Variants in NFE2L3 observed in about 807,000 individuals in gnomAD.
NFE2L3 encodes the protein NFE2 like bZIP transcription factor 3, also known as nuclear factor erythroid 2-related factor 3.
A neutral mutation model predicts 23.5 loss-of-function variants in NFE2L3; 18 were observed. The observed-to-expected ratio is 0.77, with a 90% confidence interval of 0.53 to 1.13. The LOEUF (loss-of-function observed/expected upper bound fraction) is 1.13. Among genes scored for constraint, NFE2L3 ranks in the 50% most tolerant of loss-of-function variants. The pLI, the probability that NFE2L3 is intolerant of heterozygous loss-of-function variation, is 0.00. For missense variants in NFE2L3, 1,152 were observed against 877.2 expected, an observed-to-expected ratio of 1.31 and a Z score of -3.96; for synonymous variants, 424 against 354.5, an observed-to-expected ratio of 1.20 and a Z score of -2.20.
rs746745786 is a variant in NFE2L3, at chr7:26,185,568, C to T, written c.1870C>T (p.Gln624Ter). The change falls in exon 4 of 4, where the codon CAA becomes TAA. Residue 624 changes from glutamine (Q) to a stop codon, truncating the protein, a stop_gained. Coordinates refer to ENST00000056233, the MANE Select transcript of NFE2L3 (RefSeq NM_004289.7). LOFTEE classifies it high-confidence loss of function. ...QAKKETLKRE[Q>*]AQCNKAINIM... ...AAAGAAGGAAACTCTTAAGAGAGAG[C>T]AAGCACAATGTAACAAAGCTATTAA... 8 of 1,613,554 alleles carry T rather than the reference C, an allele frequency of 5.0e-6. No individual in the cohort carries two copies. The African/African-American group carries it at 1.1e-4, about 22-fold the overall frequency.
At chr7:26,184,099 G>A (rs1782411679) in intron 3 of NFE2L3, 3 of 388,158 alleles carry the variant, frequency 7.7e-6, no homozygotes, top group African/African-American at 2.1e-5. Flanking sequence ...CATGTTTATT[G>A]CAGCAATATT....
chr7:26,179,831 G>T (rs1390811716), intron 2 of NFE2L3, among the ~76,000 whole-genome samples: 3 of 152,150 alleles, frequency 2.0e-5, no homozygotes, highest in Non-Finnish European at 4.4e-5. Flanking sequence ...ATAGGAAATT[G>T]TTTCTCTTGA....
In NFE2L3 at chr7:26,176,695, G is replaced by T. The variant is rs1163006864; in HGVS notation, c.571-1248G>T. On this transcript the variant is annotated intron_variant, in intron 1 of 3. Transcript: ENST00000056233. ...CAGAGGCGCTCCTCACTTCCCAGAC[G>T]GGGTGGCCAGGCAGAGGCGCTCCTC... is the stretch of plus-strand genomic sequence containing the variant. Among the ~76,000 whole-genome samples the T allele has an allele frequency of 4.4e-3, 196 of 44,184 alleles. 6 individuals carry two copies. The highest frequency in any genetic ancestry group is 5.6e-3 in the Admixed American group (28 of 4,972). 29.0% of individuals were successfully genotyped at this position (44,184 alleles called of 152,430 possible).
rs1784007054 is a variant in NFE2L3, at chr7:26,152,241, G to GGCTCGGC, written c.-253_-247dup. 4.9e-6 allele frequency: 1 copy of GGCTCGGC among 205,676 alleles called. No homozygotes were observed. The highest frequency in any genetic ancestry group is 9.6e-6 in the Non-Finnish European group (1 of 104,624). 12.7% of individuals were successfully genotyped at this position (205,676 alleles called of 1,614,324 possible). Reference sequence around the variant, plus strand: ...CGGGCTGCGGGCGGCTGGGCGAACGGGCTCGGCGCTCAGGTGGCTCCTTCT... The same window carrying GGCTCGGC: ...CGGGCTGCGGGCGGCTGGGCGAACGGGCTCGGCGCTCGGCGCTCAGGTGGCTCCTTCT... On this transcript the variant is annotated 5_prime_UTR_variant, in exon 1 of 4. Coordinates refer to ENST00000056233, the MANE Select transcript of NFE2L3 (RefSeq NM_004289.7). The surrounding 1 kb of genome is among the most constrained non-coding windows in gnomAD (Gnocchi z 4.4).
In NFE2L3 at chr7:26,186,369, A is replaced by T. The variant is rs1782487781; in HGVS notation, c.*586A>T. 6.6e-6 allele frequency: 1 copy of T among 152,274 alleles called. No individual in the cohort carries two copies. The highest frequency in any genetic ancestry group is 2.1e-4 in the South Asian group (1 of 4,834). 9.4% of individuals were successfully genotyped at this position (152,274 alleles called of 1,614,324 possible). ...TTCCAAAATATCCACATTCAGGAAT[A>T]TAGGTGAATAACAAATAAGGCAGCA... On this transcript the variant is annotated 3_prime_UTR_variant, in exon 4 of 4. Coordinates refer to ENST00000056233, the MANE Select transcript of NFE2L3 (RefSeq NM_004289.7).
At chr7:26,179,493 C>G (rs1258256300) in intron 2 of NFE2L3, among the ~76,000 whole-genome samples, 1 of 148,812 alleles carries the variant, frequency 6.7e-6, no homozygotes, top group Non-Finnish European at 1.5e-5. Flanking sequence ...GAGTGAGACC[C>G]TGTCTCAAAA....
At position 26,152,946 on chromosome 7, in the gene NFE2L3, G is replaced by A. The variant is rs1174424237; in HGVS notation, c.448G>A (p.Val150Met). The A allele has an allele frequency of 4.7e-6, 7 of 1,477,888 alleles. No homozygotes were observed. The highest frequency in any genetic ancestry group is 6.2e-6 in the Non-Finnish European group (7 of 1,123,908). 91.5% of individuals were successfully genotyped at this position (1,477,888 alleles called of 1,614,324 possible). A position where few individuals can be genotyped will look rare whatever the true frequency, so the allele number is the denominator to read the frequency against. Residue 150 changes from valine to methionine, a missense_variant, in exon 1 of 4, where the codon GTG becomes ATG. Coordinates refer to ENST00000056233, the MANE Select transcript of NFE2L3 (RefSeq NM_004289.7). This position sits in a 1 kb window ranked among gnomAD's most constrained non-coding sequence, Gnocchi z 4.4. ...CAGCGTGGACGGCGGCAGCCAGGCT[G>A]TGCAGGGGGGCGGCGGGGACCCCCG... ...GASVDGGSQA[V>M]QGGGGDPRAA...
chr7:26,178,100 A>T lies in NFE2L3; in HGVS notation c.728A>T (p.Lys243Met). 1 of 1,613,710 alleles carries T rather than the reference A, an allele frequency of 6.2e-7. No individual in the cohort carries two copies. Among genetic ancestry groups the T allele is most frequent in the East Asian group, 2.2e-5 (1 of 44,878 alleles). The part of the protein sequence containing the change: ...IAEKPDWEAE[K>M]TTESRNERHL... Reference sequence around the variant, plus strand: ...GAGAAACCTGACTGGGAGGCAGAAAAGACCACTGAATCTAGAAATGAGGTA... The same window carrying T: ...GAGAAACCTGACTGGGAGGCAGAAATGACCACTGAATCTAGAAATGAGGTA... The change falls in exon 2 of 4, where the codon AAG becomes ATG. Residue 243 changes from lysine (K) to methionine (M), a missense_variant. Transcript: ENST00000056233.
intron 1 of NFE2L3, among the ~76,000 whole-genome samples, chr7:26,170,943 C>T (rs955731915): frequency 2.0e-5 from 3 of 152,118 alleles, no homozygotes; most frequent in Admixed American, 6.6e-5. Context: ...TCTGTAGTCC[C>T]AGCTACTGGG....
chr7:26,180,836 C>G (rs1784493600), intron 2 of NFE2L3, among the ~76,000 whole-genome samples: 1 of 152,056 alleles, frequency 6.6e-6, no homozygotes, highest in Non-Finnish European at 1.5e-5. Context: ...TTGGACAAAA[C>G]TTTTCAGAAA....
At chr7:26,179,792 T>G (rs1784474544) in intron 2 of NFE2L3, among the ~76,000 whole-genome samples, 1 of 152,198 alleles carries the variant, frequency 6.6e-6, no homozygotes, top group Non-Finnish European at 1.5e-5. Context: ...CTGATTTCTC[T>G]GGGGTTGAGG....
chr7:26,171,437 G>T (rs891227515), intron 1 of NFE2L3, among the ~76,000 whole-genome samples: 1 of 151,904 alleles, frequency 6.6e-6, no homozygotes, highest in South Asian at 2.1e-4. Flanking sequence ...CCAGCTACTC[G>T]GGAGGCTGAG....
intron 2 of NFE2L3, among the ~76,000 whole-genome samples, chr7:26,183,314 T>A (rs556619201): frequency 1.3e-5 from 2 of 152,028 alleles, no homozygotes; most frequent in African/African-American, 2.4e-5. Context: ...TTGGGAGGCC[T>A]AGGTGGGTGG....
At chr7:26,177,846 A>ATAAG in intron 1 of NFE2L3, 97 bp from the exon 2 acceptor site, 1 of 1,028,844 alleles carries the variant, frequency 9.7e-7, no homozygotes, top group South Asian at 1.6e-5. Flanking sequence ...TGCCGGTCTT[A>ATAAG]GCTTTTGACT....
At chr7:26,154,454 A>G (rs528198234) in intron 1 of NFE2L3, among the ~76,000 whole-genome samples, 2 of 152,360 alleles carry the variant, frequency 1.3e-5, no homozygotes, top group South Asian at 4.1e-4. Context: ...CAAAGTGCAC[A>G]GGGACCTGGA....
chr7:26,152,789 G>T lies in NFE2L3; in HGVS notation c.291G>T (p.Ala97=), dbSNP rs993501236. 1.3e-6 allele frequency: 2 copies of T among 1,485,444 alleles called. No individual in the cohort carries two copies. The highest frequency in any genetic ancestry group is 1.8e-6 in the Non-Finnish European group (2 of 1,125,568). The allele number at this position is 1,485,444 out of a possible 1,614,324, so 92.0% of individuals were successfully genotyped here. ...PEGQLLREVR[A]LGVPFVPRTS... ...GCCAGCTGCTCCGGGAGGTGCGCGC[G>T]CTCGGGGTCCCCTTCGTCCCTCGCA... Residue 97 remains alanine (A), a synonymous_variant, in exon 1 of 4, where the codon GCG becomes GCT. Coordinates refer to ENST00000056233, the MANE Select transcript of NFE2L3 (RefSeq NM_004289.7). The surrounding 1 kb of genome is among the most constrained non-coding windows in gnomAD (Gnocchi z 4.4).
At chr7:26,171,123 C>T (rs904651787) in intron 1 of NFE2L3, among the ~76,000 whole-genome samples, 1 of 152,212 alleles carries the variant, frequency 6.6e-6, no homozygotes, top group Non-Finnish European at 1.5e-5. Context: ...AAATAAAAAA[C>T]ACACATATCC....
In NFE2L3 at chr7:26,185,498, G is replaced by A. The variant is rs756725530; in HGVS notation, c.1800G>A (p.Leu600=). The change falls in exon 4 of 4, where the codon TTG becomes TTA. Residue 600 remains leucine, a synonymous_variant. Coordinates refer to ENST00000056233, the MANE Select transcript of NFE2L3 (RefSeq NM_004289.7). The stretch of plus-strand genomic sequence containing the variant: ...CGCAGAACTGTCGTAAACGCAAATT[G>A]GACATAATTTTGAATTTAGAAGATG... ...VAAQNCRKRK[L]DIILNLEDDV... is the part of the protein sequence containing the mutation. 7 of 1,613,934 alleles carry A rather than the reference G, an allele frequency of 4.3e-6. No homozygotes were observed. In the Admixed American group the frequency reaches 1.2e-4, roughly 27 times the overall value.
At position 26,161,946 on chromosome 7, in the gene NFE2L3, C is replaced by T. The variant is rs147807181; in HGVS notation, c.570+8878C>T. Among the ~76,000 whole-genome samples the T allele has an allele frequency of 4.2e-3, 635 of 152,142 alleles. 7 individuals carry two copies. The highest frequency in any genetic ancestry group is 0.015 in the African/African-American group (614 of 41,490). ...TCACTTGAGGTCAGGAGTTTGAGAC[C>T]AGCCTGGCCAACATGGCAAAACCCC... On this transcript the variant is annotated intron_variant, in intron 1 of 3. Transcript: ENST00000056233.
Sources: gnomAD v4.1 joint callset for allele counts (sites outside exome capture counted in the v4.1 genomes callset) on GRCh38, gnomAD v4.1.1 for gene constraint, Gnocchi (gnomAD v3.1) non-coding constraint, MANE v1.5 for transcripts, NCBI Gene and HGNC (gene_info 2026-07-23, HGNC 2026-07-21) for gene names.